The following CMSS1 variants were observed in gnomAD, a reference collection of about 807,000 sequenced individuals.
CMSS1 encodes the protein protein CMSS1.
In CMSS1, 33 loss-of-function variants were observed where a neutral mutation model predicts 43.5. The observed-to-expected ratio is 0.76, with a 90% CI of 0.57 to 1.01. The LOEUF (loss-of-function observed/expected upper bound fraction) is 1.01, where lower values mean the gene tolerates loss of function less well. CMSS1 is among the 50% of genes least tolerant of loss of function. The pLI is 0.00. For synonymous variants in CMSS1, 115 were observed against 117.2 expected (o/e 0.98, Z 0.12); for missense variants, 313 against 326.4 (o/e 0.96, Z 0.32).
In CMSS1 at chr3:100,119,419, G is replaced by A. The variant is rs1226545676; in HGVS notation, c.65-27554G>A. ...CATGTAACCCTCATAGTGCTCCCAA[G>A]GCACCCAGAGTTTAACCATACTTTA... On this transcript the variant is annotated intron_variant, in intron 1 of 9. Transcript: ENST00000421999. Among the ~76,000 whole-genome samples the A allele has an allele frequency of 2.0e-5, 3 of 152,204 alleles. No individual in the cohort carries two copies. The East Asian group carries it at 5.8e-4, about 29-fold the overall frequency.
At chr3:100,051,441 G>A (rs987696278) in intron 1 of CMSS1, 5 of 151,106 alleles carry the variant, frequency 3.3e-5, no homozygotes, top group Non-Finnish European at 7.4e-5. Flanking sequence ...GTGCCATGTT[G>A]GTGTGCTGCA....
chr3:100,153,028 A>T (rs190658249), intron 2 of CMSS1, among the ~76,000 whole-genome samples: 53 of 152,378 alleles, frequency 3.5e-4, no homozygotes, highest in Non-Finnish European at 6.0e-4. Flanking sequence ...ATCTTAAAGT[A>T]TGTATATTTT....
chr3:100,101,726 C>G (rs2066309023), intron 1 of CMSS1, among the ~76,000 whole-genome samples: 1 of 152,040 alleles, frequency 6.6e-6, no homozygotes, highest in African/African-American at 2.4e-5. Flanking sequence ...CCCATTAACT[C>G]ATCATTTAAC....
chr3:100,003,472 G>A (rs1435854837), intron 1 of CMSS1, among the ~76,000 whole-genome samples: 5 of 152,138 alleles, frequency 3.3e-5, no homozygotes, highest in Non-Finnish European at 5.9e-5. Flanking sequence ...TGATAGATGC[G>A]TTCACATGCA....
chr3:99,833,770 T>G (rs1329314933), intron 1 of CMSS1, among the ~76,000 whole-genome samples: 1 of 152,196 alleles, frequency 6.6e-6, no homozygotes, highest in Non-Finnish European at 1.5e-5. Context: ...CTCTGGTCAT[T>G]TTGATATGTG....
chr3:99,909,394 T>A (rs964425065), intron 1 of CMSS1, among the ~76,000 whole-genome samples: 1 of 152,140 alleles, frequency 6.6e-6, no homozygotes, highest in African/African-American at 2.4e-5. Flanking sequence ...TGTGGAAGCC[T>A]TGGGTCAGGT....
At chr3:99,909,100 T>C (rs1706712289) in intron 1 of CMSS1, among the ~76,000 whole-genome samples, 1 of 152,226 alleles carries the variant, frequency 6.6e-6, no homozygotes, top group African/African-American at 2.4e-5. Flanking sequence ...CCAAATGTTC[T>C]AGTGCAGCAT....
chr3:100,073,299 G>A (rs985810131), intron 1 of CMSS1, among the ~76,000 whole-genome samples: 1 of 152,140 alleles, frequency 6.6e-6, no homozygotes, highest in Admixed American at 6.5e-5. Context: ...TTGAGTTCTT[G>A]TGATAGAGAT....
chr3:100,033,584 C>G (rs2065056660), intron 1 of CMSS1, among the ~76,000 whole-genome samples: 1 of 152,198 alleles, frequency 6.6e-6, no homozygotes, highest in Non-Finnish European at 1.5e-5. Context: ...CTCAACTGCA[C>G]TCTTAAATTC....
At chr3:100,123,791 G>A (rs1342347653) in intron 1 of CMSS1, among the ~76,000 whole-genome samples, 5 of 152,170 alleles carry the variant, frequency 3.3e-5, no homozygotes, top group African/African-American at 9.7e-5. Context: ...GGTAGGTCCC[G>A]GCCCTAACGC....
intron 1 of CMSS1, chr3:99,849,046 T>G (rs763082614): frequency 6.2e-7 from 1 of 1,614,146 alleles, no homozygotes; most frequent in South Asian, 1.1e-5. Flanking sequence ...AGTTTGCATT[T>G]TTCCATTCTG....
chr3:100,022,234 C>T (rs1356735495), intron 1 of CMSS1, among the ~76,000 whole-genome samples: 5 of 152,132 alleles, frequency 3.3e-5, no homozygotes, highest in Non-Finnish European at 5.9e-5. Context: ...AGATGTCAAA[C>T]GTCAAACACA....
chr3:99,832,918 T>C (rs1942744102), intron 1 of CMSS1, among the ~76,000 whole-genome samples: 1 of 150,522 alleles, frequency 6.6e-6, no homozygotes, highest in Non-Finnish European at 1.5e-5. Flanking sequence ...AAATGAGGTA[T>C]GGAGCATTAA....
chr3:99,897,219 T>C (rs978151270), intron 1 of CMSS1, among the ~76,000 whole-genome samples: 1 of 151,680 alleles, frequency 6.6e-6, no homozygotes, highest in African/African-American at 2.4e-5. Context: ...ATTAACCGGG[T>C]GTTGTGGTGC....
At chr3:100,014,826 T>C (rs1287995872) in intron 1 of CMSS1, among the ~76,000 whole-genome samples, 1 of 147,978 alleles carries the variant, frequency 6.8e-6, no homozygotes, top group East Asian at 2.0e-4. Context: ...TTTTTTTTGC[T>C]GTGTCAAAAC....
chr3:99,843,862 T>C (rs2107510999), intron 1 of CMSS1, among the ~76,000 whole-genome samples: 1 of 152,296 alleles, frequency 6.6e-6, no homozygotes, highest in South Asian at 2.1e-4. Context: ...GCAGTGGCAT[T>C]AGATTCTCAT....
At chr3:100,093,572 CA>C (rs534150838) in intron 1 of CMSS1, among the ~76,000 whole-genome samples, 258 of 152,214 alleles carry the variant, frequency 1.7e-3, no homozygotes, top group African/African-American at 5.8e-3. Flanking sequence ...CAGTTTCCTC[CA>C]ATGGTAACAT....
intron 1 of CMSS1, among the ~76,000 whole-genome samples, chr3:99,991,114 C>A (rs1057425523): frequency 6.6e-6 from 1 of 152,172 alleles, no homozygotes; most frequent in Admixed American, 6.5e-5. Context: ...TTCTTCCCAT[C>A]TCCCCCCATA....
At chr3:99,984,052 A>ATGTGTGTGTGTGTGTGTGTG (rs34256109) in intron 1 of CMSS1, among the ~76,000 whole-genome samples, 54 of 151,286 alleles carry the variant, frequency 3.6e-4, no homozygotes, top group African/African-American at 1.3e-3. Context: ...ATGTATATGT[A>ATGTGTGTGTGTGTGTGTGTG]TGTGTGTTTG....
Sources: allele counts gnomAD v4.1 joint callset (sites outside exome capture counted in the v4.1 genomes callset), GRCh38; gene constraint gnomAD v4.1.1; transcripts MANE v1.5; gene names NCBI Gene and HGNC (gene_info 2026-07-23, HGNC 2026-07-21).